The following IMMP2L variants were observed in gnomAD, a reference collection of about 807,000 sequenced individuals.
IMMP2L encodes the protein mitochondrial inner membrane protease subunit 2.
Under a neutral mutation model 19.3 loss-of-function variants are expected in IMMP2L, and 18 were observed. The observed-to-expected ratio is 0.93, with a 90% CI of 0.64 to 1.38. The LOEUF is 1.38. Among genes scored for constraint, IMMP2L ranks in the 40% most tolerant of loss-of-function variants. IMMP2L has a pLI of 0.00. For synonymous variants in IMMP2L, 76 were observed against 73.0 expected, an observed-to-expected ratio of 1.04 and a Z score of -0.21; for missense variants, 233 against 218.2, an observed-to-expected ratio of 1.07 and a Z score of -0.43.
chr7:110,968,771 A>C (rs1003907133), intron 3 of IMMP2L, among the ~76,000 whole-genome samples: 6 of 152,148 alleles, frequency 3.9e-5, no homozygotes, highest in African/African-American at 1.4e-4. Context: ...GAGTCTAGAA[A>C]TCTTGAAAAA....
chr7:110,877,932 C>G lies in IMMP2L; in HGVS notation c.408+8661G>C, dbSNP rs558422360. Among the ~76,000 whole-genome samples, 4 of 152,076 alleles carry G rather than the reference C, an allele frequency of 2.6e-5. No individual in the cohort carries two copies. The highest frequency in any genetic ancestry group is 9.7e-5 in the African/African-American group (4 of 41,446). ...AATAAAAAACAAAAAACAAAAAGCACAATGGATTGATTCCAAATGCCATGA... is the reference window on the plus strand; with the variant it reads ...AATAAAAAACAAAAAACAAAAAGCAGAATGGATTGATTCCAAATGCCATGA... On this transcript the variant is annotated intron_variant, in intron 5 of 5. Coordinates refer to ENST00000405709, the MANE Select transcript of IMMP2L (RefSeq NM_032549.4). This position sits in a 1 kb window ranked among gnomAD's most constrained non-coding sequence, Gnocchi z 4.0.
chr7:110,918,569 C>T (rs1813895691), intron 4 of IMMP2L, among the ~76,000 whole-genome samples: 1 of 151,190 alleles, frequency 6.6e-6, no homozygotes, highest in Admixed American at 6.6e-5. Context: ...GATTCTCCTG[C>T]CTCAGCCTCC....
intron 3 of IMMP2L, among the ~76,000 whole-genome samples, chr7:111,114,202 A>T (rs1305703507): frequency 6.6e-6 from 1 of 152,090 alleles, no homozygotes. Flanking sequence ...ACAAGTGTAT[A>T]TAAATTACTC....
chr7:111,342,790 C>T (rs1827154876), intron 3 of IMMP2L, among the ~76,000 whole-genome samples: 1 of 151,898 alleles, frequency 6.6e-6, no homozygotes, highest in Admixed American at 6.6e-5. Flanking sequence ...TTCTAGCTAG[C>T]TTAAAATTTT....
rs566452306 is a variant in IMMP2L, at chr7:111,327,463, T to C, written c.239+159775A>G. 2.6e-5 allele frequency among the ~76,000 whole-genome samples: 4 copies of C among 151,894 alleles called. No homozygotes were observed. In the East Asian group the frequency reaches 7.8e-4, roughly 29 times the overall value. On this transcript the variant is annotated intron_variant, in intron 3 of 5. Transcript: ENST00000405709. ...CTCAACTCCCTTTGCTGCATGTCTC[T>C]ATCATAGCTGTTCCTGCGAGGTACT...
chr7:110,962,872 T>C, intron 4 of IMMP2L: 8 of 1,319,672 alleles, frequency 6.1e-6, no homozygotes, highest in Non-Finnish European at 7.7e-6. Context: ...GGCTACAACT[T>C]GTTTAAAGAA....
intron 3 of IMMP2L, among the ~76,000 whole-genome samples, chr7:111,230,940 G>T (rs1342884694): frequency 6.6e-6 from 1 of 151,876 alleles, no homozygotes; most frequent in Non-Finnish European, 1.5e-5. Flanking sequence ...TAATGAATGG[G>T]TGCAAATTAA....
intron 5 of IMMP2L, among the ~76,000 whole-genome samples, chr7:110,723,094 A>G (rs17398533): frequency 0.21 from 32,115 of 152,144 alleles, 3,597 homozygotes; most frequent in Admixed American, 0.26. Flanking sequence ...CATACCAACC[A>G]TAAGATGAAA....
At chr7:111,272,729 C>T (rs941289655) in intron 3 of IMMP2L, among the ~76,000 whole-genome samples, 5 of 152,200 alleles carry the variant, frequency 3.3e-5, no homozygotes, top group Admixed American at 6.5e-5. Flanking sequence ...ACATCCCCAA[C>T]CTTTTCAATT....
chr7:110,873,159 A>G lies in IMMP2L; in HGVS notation c.408+13434T>C, dbSNP rs541514099. ...GCTACATTTATTAAAAGTTAAAAGA[A>G]AATCCCAGCACCTTGGGAGGCCAAG... On this transcript the variant is annotated intron_variant, in intron 5 of 5. Coordinates refer to ENST00000405709, the MANE Select transcript of IMMP2L (RefSeq NM_032549.4). Among the ~76,000 whole-genome samples, 16 of 152,160 alleles carry G rather than the reference A, an allele frequency of 1.1e-4. No homozygotes were observed. The South Asian group carries it at 3.3e-3, about 32-fold the overall frequency.
At chr7:111,009,159 A>G (rs890318413) in intron 3 of IMMP2L, among the ~76,000 whole-genome samples, 24 of 152,092 alleles carry the variant, frequency 1.6e-4, no homozygotes, top group Non-Finnish European at 2.9e-4. Flanking sequence ...TCTTCTCTCT[A>G]AAAGCGATTT....
At chr7:110,936,869 A>G (rs1816174738) in intron 4 of IMMP2L, among the ~76,000 whole-genome samples, 1 of 152,218 alleles carries the variant, frequency 6.6e-6, no homozygotes, top group Non-Finnish European at 1.5e-5. Flanking sequence ...CTATGCAGCC[A>G]TGAAAAACAT....
At chr7:111,174,368 T>C (rs999813171) in intron 3 of IMMP2L, among the ~76,000 whole-genome samples, 1 of 151,722 alleles carries the variant, frequency 6.6e-6, no homozygotes, top group African/African-American at 2.4e-5. Flanking sequence ...CCTAGTCTTC[T>C]GACTCCTAAT....
intron 4 of IMMP2L, among the ~76,000 whole-genome samples, chr7:110,931,232 G>A (rs184587309): frequency 1.4e-4 from 22 of 152,272 alleles, no homozygotes; most frequent in Admixed American, 1.2e-3. Flanking sequence ...GAGAATCAGA[G>A]ATTTCCCTGG....
chr7:111,501,088 G>T (rs1292167747), intron 2 of IMMP2L, among the ~76,000 whole-genome samples: 2 of 152,008 alleles, frequency 1.3e-5, no homozygotes, highest in Non-Finnish European at 2.9e-5. Flanking sequence ...AAAATTAGAC[G>T]AATGGATACC....
At chr7:110,977,295 T>A (rs1405072200) in intron 3 of IMMP2L, among the ~76,000 whole-genome samples, 1 of 151,978 alleles carries the variant, frequency 6.6e-6, no homozygotes. Context: ...AGCAAGTCAT[T>A]TAGCTATCTT....
chr7:111,170,411 A>T (rs1369478683), intron 3 of IMMP2L, among the ~76,000 whole-genome samples: 1 of 151,866 alleles, frequency 6.6e-6, no homozygotes, highest in Admixed American at 6.6e-5. Flanking sequence ...AAAAGTCCAG[A>T]ACAACTGGCA....
intron 3 of IMMP2L, among the ~76,000 whole-genome samples, chr7:111,345,147 T>C (rs558647028): frequency 1.3e-5 from 2 of 152,122 alleles, no homozygotes; most frequent in Non-Finnish European, 2.9e-5. Context: ...ACATAAAACA[T>C]TATCCACATT....
chr7:111,106,970 CTTCT>C (rs1798617441), intron 3 of IMMP2L, among the ~76,000 whole-genome samples: 1 of 151,778 alleles, frequency 6.6e-6, no homozygotes, highest in Admixed American at 6.6e-5. Context: ...ATTCAATCTA[CTTCT>C]TTCTATATTA....
Sources: gnomAD v4.1 joint callset for allele counts (sites outside exome capture counted in the v4.1 genomes callset) on GRCh38, gnomAD v4.1.1 for gene constraint, Gnocchi (gnomAD v3.1) non-coding constraint, MANE v1.5 for transcripts, NCBI Gene and HGNC (gene_info 2026-07-23, HGNC 2026-07-21) for gene names.